CHN2: variants seen among roughly 807,000 people sequenced by gnomAD.
The protein encoded by CHN2 is beta-chimaerin.
Under a neutral mutation model 56.3 loss-of-function variants are expected in CHN2, and 35 were observed. The ratio of observed to expected loss-of-function variants is 0.62; its 90% CI spans 0.47 to 0.82. The LOEUF (loss-of-function observed/expected upper bound fraction) is 0.82, where lower values mean the gene tolerates loss of function less well. CHN2 is among the 40% of genes least tolerant of loss of function. The pLI, the probability that CHN2 is intolerant of heterozygous loss-of-function variation, is 0.00. For synonymous variants in CHN2, 210 were observed against 212.8 expected, an observed-to-expected ratio of 0.99 and a Z score of 0.12; for missense variants, 491 against 580.5, an observed-to-expected ratio of 0.85 and a Z score of 1.58.
At chr7:29,273,598 A>G (rs891666272) in intron 1 of CHN2, among the ~76,000 whole-genome samples, 2 of 151,676 alleles carry the variant, frequency 1.3e-5, no homozygotes, top group African/African-American at 4.8e-5. Context: ...GACTCTCTGT[A>G]CTGTTATCCA....
chr7:29,313,094 T>C (rs201190660), intron 1 of CHN2, among the ~76,000 whole-genome samples: 2 of 152,146 alleles, frequency 1.3e-5, no homozygotes, highest in East Asian at 3.9e-4. Flanking sequence ...TTCCAAACAT[T>C]GTCAGTATTC....
rs551809981 is a variant in CHN2, at chr7:29,352,581, G to T, written c.50-2044G>T. Among the ~76,000 whole-genome samples, 16 of 152,060 alleles carry T rather than the reference G, an allele frequency of 1.1e-4. No individual in the cohort carries two copies. The South Asian group carries it at 3.1e-3, about 30-fold the overall frequency. ...TATTAAAAAATACAAAAATTAGCTG[G>T]GTGTGGTGGCACACGCCTGTAATCC... is the stretch of plus-strand genomic sequence containing the variant. On this transcript the variant is annotated intron_variant, in intron 1 of 12. Coordinates refer to ENST00000222792, the MANE Select transcript of CHN2 (RefSeq NM_004067.4).
At chr7:29,294,598 G>C (rs963658599) in intron 1 of CHN2, among the ~76,000 whole-genome samples, 2 of 152,186 alleles carry the variant, frequency 1.3e-5, no homozygotes, top group Admixed American at 1.3e-4. Flanking sequence ...TCTTAAGTCA[G>C]CACGTTTGAT....
intron 1 of CHN2, among the ~76,000 whole-genome samples, chr7:29,221,970 T>A (rs1420609683): frequency 6.6e-6 from 1 of 152,230 alleles, no homozygotes; most frequent in Non-Finnish European, 1.5e-5. Flanking sequence ...CTTTTGGACA[T>A]ATACCCAGTA....
intron 6 of CHN2, 168 bp from the exon 7 acceptor site, chr7:29,480,111 A>G (rs1208410977): frequency 2.6e-6 from 4 of 1,552,914 alleles, no homozygotes; most frequent in South Asian, 1.2e-5. Context: ...TCCAGGCACT[A>G]TGTTCTCTGA....
At chr7:29,460,999 T>A (rs1028560049) in intron 6 of CHN2, among the ~76,000 whole-genome samples, 1 of 152,230 alleles carries the variant, frequency 6.6e-6, no homozygotes, top group African/African-American at 2.4e-5. Context: ...ATCACAATAA[T>A]GATTTTCTCT....
intron 7 of CHN2, among the ~76,000 whole-genome samples, chr7:29,489,889 T>G (rs1423095482): frequency 6.6e-6 from 1 of 152,172 alleles, no homozygotes; most frequent in African/African-American, 2.4e-5. Flanking sequence ...GCAAAAAAAG[T>G]GAAATTTTAG....
chr7:29,413,173 C>T (rs1803409633), intron 6 of CHN2, among the ~76,000 whole-genome samples: 1 of 152,184 alleles, frequency 6.6e-6, no homozygotes, highest in Non-Finnish European at 1.5e-5. Context: ...CACTTTGTTC[C>T]TAAGTCCCCA....
At chr7:29,292,332 A>G (rs1792702541) in intron 1 of CHN2, among the ~76,000 whole-genome samples, 1 of 152,270 alleles carries the variant, frequency 6.6e-6, no homozygotes, top group Non-Finnish European at 1.5e-5. Flanking sequence ...CCATTTACCA[A>G]AAGAGCTTAT....
At chr7:29,295,084 C>T (rs1793011276) in intron 1 of CHN2, among the ~76,000 whole-genome samples, 1 of 152,134 alleles carries the variant, frequency 6.6e-6, no homozygotes, top group African/African-American at 2.4e-5. Context: ...TTCCCATAAA[C>T]TGTAAATCAT....
intron 2 of CHN2, among the ~76,000 whole-genome samples, chr7:29,172,133 G>A (rs1796685413): frequency 6.6e-6 from 1 of 152,116 alleles, no homozygotes; most frequent in African/African-American, 2.4e-5. Flanking sequence ...AAGGAACCCA[G>A]GGAGTACCTA....
intron 2 of CHN2, among the ~76,000 whole-genome samples, chr7:29,187,558 T>C (rs1460689315): frequency 6.6e-6 from 1 of 152,028 alleles, no homozygotes; most frequent in Non-Finnish European, 1.5e-5. Context: ...ACCCCGTCTC[T>C]ACTAAAAATA....
At chr7:29,451,202 G>A (rs945691136) in intron 6 of CHN2, among the ~76,000 whole-genome samples, 1 of 152,204 alleles carries the variant, frequency 6.6e-6, no homozygotes, top group African/African-American at 2.4e-5. Flanking sequence ...CTGGACTGGG[G>A]TTGGAAGAGA....
At chr7:29,374,801 T>TTTCCTCCCTTCC (rs1554281982) in intron 3 of CHN2, among the ~76,000 whole-genome samples, 2 of 128,186 alleles carry the variant, frequency 1.6e-5, no homozygotes, top group Non-Finnish European at 3.4e-5. Context: ...TATTTCTTTA[T>TTTCCTCCCTTCC]TTCCTTCCTT....
chr7:29,269,849 C>T (rs60625731), intron 1 of CHN2, among the ~76,000 whole-genome samples: 19 of 152,296 alleles, frequency 1.2e-4, no homozygotes, highest in African/African-American at 3.6e-4. Flanking sequence ...AGTTAATGAC[C>T]GTGAAACCTT....
intron 2 of CHN2, among the ~76,000 whole-genome samples, chr7:29,359,521 C>A (rs769968273): frequency 1.3e-5 from 2 of 151,972 alleles, no homozygotes; most frequent in Non-Finnish European, 2.9e-5. Context: ...GCCTTTAAGT[C>A]CCTGCCCTCT....
intron 1 of CHN2, among the ~76,000 whole-genome samples, chr7:29,303,194 A>G (rs1793841033): frequency 6.6e-6 from 1 of 152,214 alleles, no homozygotes; most frequent in African/African-American, 2.4e-5. Context: ...ACAGCAAGAC[A>G]GCTTAAAGTC....
At chr7:29,212,274 T>C (rs771002796) in intron 1 of CHN2, 6 of 1,024,024 alleles carry the variant, frequency 5.9e-6, no homozygotes, top group Non-Finnish European at 7.6e-6. Context: ...CCTCTTAAAT[T>C]TTTTCCCCCT....
chr7:29,237,613 C>G (rs1310569798), intron 1 of CHN2, among the ~76,000 whole-genome samples: 1 of 152,124 alleles, frequency 6.6e-6, no homozygotes, highest in Non-Finnish European at 1.5e-5. Flanking sequence ...TCCTTTCTGT[C>G]CAACATCTAA....
Sources: allele counts gnomAD v4.1 joint callset (sites outside exome capture counted in the v4.1 genomes callset), GRCh38; gene constraint gnomAD v4.1.1; transcripts MANE v1.5; gene names NCBI Gene and HGNC (gene_info 2026-07-23, HGNC 2026-07-21).